GGT1: variants seen among roughly 807,000 people sequenced by gnomAD.
GGT1 encodes glutathione hydrolase 1 proenzyme.
GGT1 carries 21 observed loss-of-function variants against 56.0 expected under a neutral mutation model. The observed-to-expected ratio is 0.38, with a 90% CI of 0.27 to 0.54. The LOEUF is 0.54. Ranked by LOEUF, GGT1 falls within the 20% of genes least tolerant of loss-of-function variation. The probability of loss-of-function intolerance (pLI) is 0.82; values close to 1 mark genes in which losing one functional copy is unlikely to be tolerated. For missense variants in GGT1, 466 were observed against 787.0 expected, an observed-to-expected ratio of 0.59 and a Z score of 4.88; for synonymous variants, 238 against 342.6, an observed-to-expected ratio of 0.69 and a Z score of 3.37.
chr22:24,619,865 G>A (rs1335407598), intron 7 of GGT1, among the ~76,000 whole-genome samples: 3 of 150,784 alleles, frequency 2.0e-5, no homozygotes, highest in Non-Finnish European at 4.4e-5. Flanking sequence ...AGACATGCAG[G>A]CACCTGCACA....
chr22:24,586,126 G>C, the GGT1 span: 10 of 1,613,110 alleles, frequency 6.2e-6, no homozygotes, highest in Non-Finnish European at 7.6e-6. Flanking sequence ...CAGGGAACTT[G>C]GTGGTGTCCT....
intron 2 of GGT1, among the ~76,000 whole-genome samples, chr22:24,608,246 A>T (rs1207076431): frequency 1.3e-5 from 2 of 152,134 alleles, no homozygotes; most frequent in African/African-American, 4.8e-5. Context: ...CGATCCGGGG[A>T]CATCTGCCTG....
chr22:24,619,137 C>T (rs2047249652), intron 7 of GGT1, among the ~76,000 whole-genome samples: 1 of 152,116 alleles, frequency 6.6e-6, no homozygotes, highest in African/African-American at 2.4e-5. Flanking sequence ...GTGGCTCACG[C>T]CTGTAATCCC....
chr22:24,615,953 C>CA (rs201372659), intron 7 of GGT1: 8 of 111,674 alleles, frequency 7.2e-5, no homozygotes, highest in African/African-American at 4.7e-4. Flanking sequence ...CTACAAAAAA[C>CA]GGAAAAAAAA....
intron 12 of GGT1, 89 bp downstream of exon 12, chr22:24,627,708 C>T (rs1250376663): frequency 1.3e-5 from 20 of 1,564,002 alleles, no homozygotes; most frequent in Middle Eastern, 2.3e-4. Context: ...GGCTCCGTCA[C>T]CTCTTTTCCT....
chr22:24,600,478 G>A (rs1265645183), upstream of GGT1, among the ~76,000 whole-genome samples: 1 of 152,248 alleles, frequency 6.6e-6, no homozygotes, highest in East Asian at 1.9e-4. Context: ...GCTGCTGGGT[G>A]CTCCCAGGCA....
intron 2 of GGT1, among the ~76,000 whole-genome samples, chr22:24,608,259 G>C (rs999558366): frequency 6.6e-6 from 1 of 152,198 alleles, no homozygotes; most frequent in Non-Finnish European, 1.5e-5. Flanking sequence ...TCTGCCTGTG[G>C]GAGGCTGGGC....
At chr22:24,584,067 C>G in the GGT1 span, among the ~76,000 whole-genome samples, 1 of 151,482 alleles carries the variant, frequency 6.6e-6, no homozygotes, top group Non-Finnish European at 1.5e-5. Flanking sequence ...TTCTCATAAT[C>G]CTCTCTGCTG....
the GGT1 span, chr22:24,585,880 G>T: frequency 1.3e-5 from 21 of 1,572,042 alleles, no homozygotes; most frequent in Middle Eastern, 3.4e-4. Context: ...CCAGGTGGGT[G>T]GTGGGTCACC....
chr22:24,593,051 G>A (rs1439438662), upstream of GGT1: 2 of 1,040,752 alleles, frequency 1.9e-6, no homozygotes, highest in Admixed American at 5.5e-5. Flanking sequence ...GCCGCCGCGC[G>A]ATGGTCGCCG....
At chr22:24,600,678 A>C (rs2045767857), upstream of GGT1, among the ~76,000 whole-genome samples, 1 of 152,230 alleles carries the variant, frequency 6.6e-6, no homozygotes, top group Non-Finnish European at 1.5e-5. Context: ...ATCACAGCTG[A>C]GTAGCACCAG....
chr22:24,588,456 G>T, the GGT1 span: 1 of 791,066 alleles, frequency 1.3e-6, no homozygotes, highest in Non-Finnish European at 2.0e-6. Context: ...TCACCGAGTT[G>T]CCCACCAGGG....
Position 24,628,180 on chromosome 22 carries a change from C to T in GGT1, c.1436C>T (p.Thr479Met), listed in dbSNP as rs752649541. The change falls in exon 14 of 16, where the codon ACG becomes ATG. Residue 479 changes from threonine (T) to methionine (M), a missense_variant. Coordinates refer to ENST00000400382, the MANE Select transcript of GGT1 (RefSeq NM_001288833.2). The surrounding 1 kb of genome is among the most constrained non-coding windows in gnomAD (Gnocchi z 5.7). ...VGAAGGTQIT[T>M]ATALAIIYNL... ...GCTGCTGGGGGCACACAGATCACCACGGCCACTGCACTGGTATGTGTCACA... is the reference window on the plus strand; with the variant it reads ...GCTGCTGGGGGCACACAGATCACCATGGCCACTGCACTGGTATGTGTCACA... 9.2e-5 allele frequency: 148 copies of T among 1,611,950 alleles called. No homozygotes were observed. The highest frequency in any genetic ancestry group is 1.1e-4 in the Non-Finnish European group (132 of 1,179,876).
chr22:24,614,614 C>CAAAAA (rs4049879), intron 5 of GGT1, among the ~76,000 whole-genome samples, 162 bp from the exon 6 acceptor site: 1 of 68,598 alleles, frequency 1.5e-5, no homozygotes, highest in Non-Finnish European at 3.4e-5. Flanking sequence ...GACTCCATCT[C>CAAAAA]AAAAAAAAAA....
intron 2 of GGT1, among the ~76,000 whole-genome samples, chr22:24,608,224 G>C (rs946761769): frequency 2.6e-5 from 4 of 152,176 alleles, no homozygotes; most frequent in Non-Finnish European, 5.9e-5. Flanking sequence ...ACCTCAGCAG[G>C]GTGTCTTCCT....
chr22:24,588,437 C>T, the GGT1 span: 3 of 853,204 alleles, frequency 3.5e-6, no homozygotes, highest in South Asian at 3.1e-5. Flanking sequence ...CACAGTCATG[C>T]ACCATGCATC....
chr22:24,592,162 TG>T (rs1266240424), upstream of GGT1: 4 of 392,572 alleles, frequency 1.0e-5, no homozygotes, highest in South Asian at 7.3e-5. Context: ...CCCAGGTGAT[TG>T]GGGGGACCAG....
At chr22:24,611,574 C>G (rs946063407) in intron 5 of GGT1, among the ~76,000 whole-genome samples, 14 of 151,574 alleles carry the variant, frequency 9.2e-5, no homozygotes, top group Middle Eastern at 6.8e-3. Flanking sequence ...ATCTATCTAT[C>G]TATCTATCTA....
chr22:24,626,426 C>G lies in GGT1; in HGVS notation c.1021-1006C>G, dbSNP rs868629080. ...GGGACCTTGGCCAGGCTCATGGCAT[C>G]CAGCAGCCACTCAATGTCAATACCT... On this transcript the variant is annotated intron_variant, in intron 11 of 15. Coordinates refer to ENST00000400382, the MANE Select transcript of GGT1 (RefSeq NM_001288833.2). 4.5e-3 allele frequency among the ~76,000 whole-genome samples: 571 copies of G among 127,664 alleles called. 2 individuals carry two copies. Among genetic ancestry groups the G allele is most frequent in the Non-Finnish European group, 6.6e-3 (393 of 59,382 alleles). The allele number at this position is 127,664 out of a possible 152,430, so 83.8% of individuals were successfully genotyped here.
Sources: allele counts gnomAD v4.1 joint callset (sites outside exome capture counted in the v4.1 genomes callset), GRCh38; gene constraint gnomAD v4.1.1; non-coding constraint Gnocchi (gnomAD v3.1); transcripts MANE v1.5; gene names NCBI Gene and HGNC (gene_info 2026-07-23, HGNC 2026-07-21).